PAK4: variants seen among roughly 807,000 people sequenced by gnomAD.
The protein encoded by PAK4 is p21 (RAC1) activated kinase 4, also known as serine/threonine-protein kinase PAK 4.
Under a neutral mutation model 53.5 loss-of-function variants are expected in PAK4, and 49 were observed. That is an observed-to-expected ratio of 0.92 (90% confidence interval 0.73 to 1.16). The LOEUF is 1.16. PAK4 is among the 50% of genes most tolerant of loss of function. The pLI, the probability that PAK4 is intolerant of heterozygous loss-of-function variation, is 0.00. For synonymous variants in PAK4, 376 were observed against 375.6 expected (o/e 1.00, Z -0.01); for missense variants, 824 against 850.7 (o/e 0.97, Z 0.39).
rs376684961 is a variant in PAK4 at position 39,173,046 on chromosome 19, C to T, written c.333C>T (p.Ala111=). Reference sequence around the variant, plus strand: ...ACAGCCCGCCGCCGCCCGCCCGTGCCCGCCAGGAAAATGGGATGCCAGAGG... The same window carrying T: ...ACAGCCCGCCGCCGCCCGCCCGTGCTCGCCAGGAAAATGGGATGCCAGAGG... The change falls in exon 3 of 9, where the codon GCC becomes GCT. Residue 111 remains alanine, a synonymous_variant. Coordinates refer to ENST00000358301, the Ensembl canonical transcript of PAK4. The surrounding 1 kb of genome is among the most constrained non-coding windows in gnomAD (Gnocchi z 6.9). The T allele has an allele frequency of 6.5e-7, 1 of 1,549,162 alleles. No homozygotes were observed. The highest frequency in any genetic ancestry group is 8.7e-7 in the Non-Finnish European group (1 of 1,146,886).
intron 1 of PAK4, among the ~76,000 whole-genome samples, chr19:39,140,333 T>G (rs1469384409): frequency 6.6e-6 from 1 of 152,104 alleles, no homozygotes; most frequent in African/African-American, 2.4e-5. Context: ...CACGCTGGCC[T>G]CCCTAACAGC....
At position 39,155,161 on chromosome 19, in the gene PAK4, C is replaced by T. The variant is rs35106218; in HGVS notation, c.-22-14371C>T. Among the ~76,000 whole-genome samples the T allele has an allele frequency of 7.2e-3, 1,095 of 152,222 alleles. 8 individuals are homozygous for T. The highest frequency in any genetic ancestry group is 0.012 in the Admixed American group (184 of 15,300). On this transcript the variant is annotated intron_variant, in intron 1 of 8. Transcript: ENST00000358301. ...ATGGCCTGGGTGCCCATCCTGGGTCCGGGCACCCAGCAGCCTTGGTCCCTA... is the reference window on the plus strand; with the variant it reads ...ATGGCCTGGGTGCCCATCCTGGGTCTGGGCACCCAGCAGCCTTGGTCCCTA...
chr19:39,148,768 T>G (rs1350822393), intron 1 of PAK4, among the ~76,000 whole-genome samples: 1 of 151,952 alleles, frequency 6.6e-6, no homozygotes, highest in African/African-American at 2.4e-5. Context: ...TTTTTTTTTT[T>G]CCATAAAAGT....
intron 1 of PAK4, among the ~76,000 whole-genome samples, chr19:39,167,299 G>A (rs1455004762): frequency 6.6e-6 from 1 of 152,210 alleles, no homozygotes; most frequent in East Asian, 1.9e-4. Context: ...GGGGGTGGAG[G>A]GACATCTGGG....
Position 39,178,355 on chromosome 19 carries a change from A to G in PAK4, c.1621-69A>G. On this transcript the variant is annotated intron_variant, in intron 8 of 8. Coordinates refer to ENST00000358301, the Ensembl canonical transcript of PAK4. The surrounding 1 kb of genome is among the most constrained non-coding windows in gnomAD (Gnocchi z 4.4). ...CCGCCAGCCGACTTGGCAGAGGCGG[A>G]CACTGCAGCCCTACAGCAAATGAAC... 3 of 1,513,914 alleles carry G rather than the reference A, an allele frequency of 2.0e-6. No individual in the cohort carries two copies. Among genetic ancestry groups the G allele is most frequent in the Non-Finnish European group, 8.9e-7 (1 of 1,121,986 alleles). 93.8% of individuals were successfully genotyped at this position (1,513,914 alleles called of 1,614,324 possible).
intron 1 of PAK4, among the ~76,000 whole-genome samples, chr19:39,149,522 T>C (rs1188377294): frequency 6.6e-6 from 1 of 152,064 alleles, no homozygotes; most frequent in Non-Finnish European, 1.5e-5. Flanking sequence ...AGAGGTTGAG[T>C]TCAGCCTGGA....
intron 8 of PAK4, 49 bp downstream of exon 9, chr19:39,177,858 G>A: frequency 1.3e-6 from 2 of 1,575,998 alleles, no homozygotes; most frequent in Non-Finnish European, 1.7e-6. Flanking sequence ...GCGGGTGGCA[G>A]GGCTCCAGGT....
intron 1 of PAK4, among the ~76,000 whole-genome samples, chr19:39,141,873 C>T (rs1286597360): frequency 1.3e-5 from 2 of 152,212 alleles, no homozygotes; most frequent in South Asian, 2.1e-4. Context: ...GTGATCCACC[C>T]GCCTCGGCCT....
chr19:39,151,556 G>T (rs1351764586), intron 1 of PAK4, among the ~76,000 whole-genome samples: 1 of 152,210 alleles, frequency 6.6e-6, no homozygotes, highest in Non-Finnish European at 1.5e-5. Context: ...GCAAAAGACA[G>T]GAAACCACCA....
At chr19:39,126,247 C>T (rs543375590) in intron 1 of PAK4, among the ~76,000 whole-genome samples, 220 of 152,166 alleles carry the variant, frequency 1.4e-3, no homozygotes, top group African/African-American at 5.1e-3. Context: ...GGTCAGAGGT[C>T]ACAGCCCCAG....
At chr19:39,153,223 C>T (rs531376187) in intron 1 of PAK4, among the ~76,000 whole-genome samples, 3 of 151,222 alleles carry the variant, frequency 2.0e-5, no homozygotes, top group Non-Finnish European at 4.4e-5. Context: ...CCAAAAGCTC[C>T]CAGTCCCTCC....
At chr19:39,150,487 G>A (rs1483228608) in intron 1 of PAK4, among the ~76,000 whole-genome samples, 1 of 152,080 alleles carries the variant, frequency 6.6e-6, no homozygotes, top group East Asian at 1.9e-4. Context: ...CCACTGTCCT[G>A]GCTGCCTCAC....
chr19:39,173,692 AGTG>A lies in PAK4; in HGVS notation c.781_783del (p.Val261del). On this transcript the variant is annotated inframe_deletion, in exon 4 of 9. Transcript: ENST00000358301. This position sits in a 1 kb window ranked among gnomAD's most constrained non-coding sequence, Gnocchi z 6.9. ...GAGCCCGAGGTGCCCCCAGCCCTGG[AGTG>A]CTGGGACCCCACGCCTCAGAGCCCC... is the stretch of plus-strand genomic sequence containing the variant. 6.3e-7 allele frequency: 1 copy of A among 1,587,154 alleles called. No homozygotes were observed. Among genetic ancestry groups the A allele is most frequent in the Non-Finnish European group, 8.6e-7 (1 of 1,168,108 alleles).
chr19:39,155,422 A>C (rs2074162292), intron 1 of PAK4, among the ~76,000 whole-genome samples: 1 of 152,104 alleles, frequency 6.6e-6, no homozygotes, highest in Admixed American at 6.5e-5. Context: ...GCTGGAGCCC[A>C]GAGGATACCT....
intron 6 of PAK4, 104 bp from the exon 8 acceptor site, chr19:39,176,486 G>C: frequency 1.3e-6 from 2 of 1,482,844 alleles, no homozygotes; most frequent in Non-Finnish European, 1.9e-6. Flanking sequence ...TGACCTCTGG[G>C]CCGCACATTG....
rs779658016 is a variant in PAK4 at position 39,173,972 on chromosome 19, C to T, written c.1060C>T (p.Leu354=). Reference sequence around the variant, plus strand: ...GCTGGTGGCCGTCAAGAAGATGGACCTGCGCAAGCAGCAGAGGCGCGAGCT... The same window carrying T: ...GCTGGTGGCCGTCAAGAAGATGGACTTGCGCAAGCAGCAGAGGCGCGAGCT... Residue 354 remains leucine (L), a synonymous_variant, in exon 4 of 9, where the codon CTG becomes TTG. Transcript: ENST00000358301. This position sits in a 1 kb window ranked among gnomAD's most constrained non-coding sequence, Gnocchi z 6.9. 2 of 1,608,786 alleles carry T rather than the reference C, an allele frequency of 1.2e-6. No homozygotes were observed. Among genetic ancestry groups the T allele is most frequent in the Non-Finnish European group, 1.7e-6 (2 of 1,178,858 alleles).
At chr19:39,130,728 A>C (rs2145097288) in intron 1 of PAK4, among the ~76,000 whole-genome samples, 1 of 152,050 alleles carries the variant, frequency 6.6e-6, no homozygotes, top group South Asian at 2.1e-4. Flanking sequence ...GTGGGGTCAG[A>C]GGCTTGGAGG....
In PAK4 at chr19:39,178,412, CCTT is replaced by C. The variant is rs1239523092; in HGVS notation, c.1621-9_1621-7del. On this transcript the variant is annotated splice_polypyrimidine_tract_variant and intron_variant, in intron 8 of 8. Transcript: ENST00000358301. This position sits in a 1 kb window ranked among gnomAD's most constrained non-coding sequence, Gnocchi z 4.4. ...GAGCCTCGCCCCCTGACCCTCCCCT[CCTT>C]CTCGACAGGTGTCGCCATCCCTGAA... The C allele has an allele frequency of 2.5e-6, 4 of 1,574,736 alleles. No individual in the cohort carries two copies. The highest frequency in any genetic ancestry group is 1.2e-5 in the South Asian group (1 of 85,814).
At chr19:39,164,313 C>A (rs2074333863) in intron 1 of PAK4, among the ~76,000 whole-genome samples, 1 of 150,350 alleles carries the variant, frequency 6.7e-6, no homozygotes, top group African/African-American at 2.4e-5. Context: ...TATACACACA[C>A]ACACAAGCAC....
Sources: gnomAD v4.1 joint callset for allele counts (sites outside exome capture counted in the v4.1 genomes callset) on GRCh38, gnomAD v4.1.1 for gene constraint, Gnocchi (gnomAD v3.1) non-coding constraint, MANE v1.5 for transcripts, NCBI Gene and HGNC (gene_info 2026-07-23, HGNC 2026-07-21) for gene names.